CACNA1C: variants seen among roughly 807,000 people sequenced by gnomAD.
The protein encoded by CACNA1C is calcium voltage-gated channel subunit alpha1 C, also known as voltage-dependent L-type calcium channel subunit alpha-1C.
CACNA1C carries 30 observed loss-of-function variants against 229.0 expected under a neutral mutation model. The ratio of observed to expected loss-of-function variants is 0.13; its 90% CI spans 0.10 to 0.18. The LOEUF is 0.18. CACNA1C is among the 10% of genes least tolerant of loss of function. The probability of loss-of-function intolerance (pLI) is 1.00; values close to 1 mark genes in which losing one functional copy is unlikely to be tolerated. For missense variants in CACNA1C, 1,658 were observed against 2,845.0 expected (o/e 0.58, Z 9.49); for synonymous variants, 1,114 against 1,132.5 (o/e 0.98, Z 0.33).
intron 3 of CACNA1C, among the ~76,000 whole-genome samples, chr12:2,426,436 A>G (rs2099033027): frequency 6.6e-6 from 1 of 152,212 alleles, no homozygotes; most frequent in Admixed American, 6.5e-5. Flanking sequence ...CATGCAGTAG[A>G]TACTTCAGGT....
intron 3 of CACNA1C, among the ~76,000 whole-genome samples, chr12:2,177,636 CTTTCTTTCTT>C (rs2096708600): frequency 1.1e-4 from 14 of 128,924 alleles, no homozygotes; most frequent in Admixed American, 3.5e-4. Flanking sequence ...TTCTCTCTCT[CTTTCTTTCTT>C]TCTTTCTTTT....
intron 1 of CACNA1C, among the ~76,000 whole-genome samples, chr12:2,104,942 C>T (rs998020385): frequency 2.6e-5 from 4 of 152,184 alleles, no homozygotes; most frequent in African/African-American, 9.7e-5. Flanking sequence ...GTGTGTCTGT[C>T]AGTTTGTTTT....
rs2370515 is a variant in CACNA1C at position 2,401,996 on chromosome 12, G to T, written c.478-46980G>T. On this transcript the variant is annotated intron_variant, in intron 3 of 46. Coordinates refer to ENST00000399655, the MANE Select transcript of CACNA1C (RefSeq NM_000719.7). The stretch of plus-strand genomic sequence containing the variant: ...GAGGACCTCATTCTTTAAAACTTTC[G>T]TTAAACATGGTGAATTTCCTTTATA... 4.6e-5 allele frequency among the ~76,000 whole-genome samples: 7 copies of T among 152,154 alleles called. No homozygotes were observed. The East Asian group carries it at 1.3e-3, about 29-fold the overall frequency.
intron 3 of CACNA1C, among the ~76,000 whole-genome samples, chr12:2,273,225 T>C (rs776261296): frequency 6.6e-6 from 1 of 152,246 alleles, no homozygotes; most frequent in Non-Finnish European, 1.5e-5. Context: ...AGGTTACTTA[T>C]ACTACCTAAT....
chr12:1,970,849 G>A (rs1464124820), upstream of CACNA1C: 2 of 289,982 alleles, frequency 6.9e-6, no homozygotes, highest in South Asian at 3.2e-5. Context: ...AAGTAAGAAG[G>A]TGTTTTGTTT....
chr12:2,356,579 G>A (rs1357456730), intron 3 of CACNA1C, among the ~76,000 whole-genome samples: 1 of 152,242 alleles, frequency 6.6e-6, no homozygotes, highest in African/African-American at 2.4e-5. Flanking sequence ...CAGTGCATTA[G>A]GGGCACACTG....
chr12:2,043,300 A>G lies in CACNA1C; in HGVS notation c.140-71924A>G, dbSNP rs189577216. On this transcript the variant is annotated intron_variant, in intron 1 of 46. Coordinates refer to the CACNA1C transcript ENST00000682462. ...TCAAGATAGTTAACATACTATGGTA[A>G]TATTTTCCACATTCCTGGAGCTTAA... is the stretch of plus-strand genomic sequence containing the variant. Among the ~76,000 whole-genome samples, 369 of 152,314 alleles carry G rather than the reference A, an allele frequency of 2.4e-3. 2 individuals are homozygous for G. Among genetic ancestry groups the G allele is most frequent in the Middle Eastern group, 0.02 (6 of 294 alleles).
At chr12:2,158,119 G>A (rs1246738187) in intron 3 of CACNA1C, among the ~76,000 whole-genome samples, 1 of 152,168 alleles carries the variant, frequency 6.6e-6, no homozygotes, top group African/African-American at 2.4e-5. Flanking sequence ...CAAAAACAGA[G>A]GGGAGGAAAT....
chr12:2,370,834 G>T (rs760339831), intron 3 of CACNA1C, among the ~76,000 whole-genome samples: 2 of 152,162 alleles, frequency 1.3e-5, no homozygotes, highest in African/African-American at 2.4e-5. Context: ...GATTGTAGTC[G>T]AAGCTGACCT....
chr12:2,532,597 G>A (rs1014917699), intron 9 of CACNA1C, among the ~76,000 whole-genome samples: 3 of 152,156 alleles, frequency 2.0e-5, no homozygotes, highest in East Asian at 1.9e-4. Context: ...CAGGCCCACC[G>A]ATGCCTGTGT....
At chr12:2,686,037 G>A (rs1361584565) in intron 44 of CACNA1C, 129 bp from the exon 45 acceptor site, 4 of 882,622 alleles carry the variant, frequency 4.5e-6, no homozygotes, top group South Asian at 1.3e-5. Flanking sequence ...CGTCTCAGAC[G>A]AGGGGAGGGG....
intron 1 of CACNA1C, among the ~76,000 whole-genome samples, chr12:2,017,567 C>T (rs1315573160): frequency 1.3e-5 from 2 of 152,016 alleles, no homozygotes; most frequent in African/African-American, 4.8e-5. Flanking sequence ...AAGAGATGGT[C>T]TGGCTACTTA....
At position 2,287,521 on chromosome 12, in the gene CACNA1C, C is replaced by G. The variant is rs1470634089; in HGVS notation, c.478-161455C>G. On this transcript the variant is annotated intron_variant, in intron 3 of 46. Coordinates refer to ENST00000399655, the MANE Select transcript of CACNA1C (RefSeq NM_000719.7). This position sits in a 1 kb window ranked among gnomAD's most constrained non-coding sequence, Gnocchi z 4.6. ...TGATGTGGTCTTGGCTGATGAGAAG[C>G]TCCCTCCAATTCTGTGATTCTGGGT... 6.6e-6 allele frequency among the ~76,000 whole-genome samples: 1 copy of G among 152,214 alleles called. No homozygotes were observed. Among genetic ancestry groups the G allele is most frequent in the African/African-American group, 2.4e-5 (1 of 41,454 alleles).
Position 2,695,561 on chromosome 12 carries a change from G to C in CACNA1C, c.*4362G>C, listed in dbSNP as rs894408249. On this transcript the variant is annotated 3_prime_UTR_variant, in exon 47 of 47. Transcript: ENST00000399655. ...AGAGGCTACGATTTGAGGAGGTTGA[G>C]GGGGAAGACAGGAGGGAAAGAAAAG... 1.3e-5 allele frequency: 2 copies of C among 152,330 alleles called. No homozygotes were observed. The highest frequency in any genetic ancestry group is 2.9e-5 in the Non-Finnish European group (2 of 68,144). 9.4% of individuals were successfully genotyped at this position (152,330 alleles called of 1,614,324 possible). A position where few individuals can be genotyped will look rare whatever the true frequency, so the allele number is the denominator to read the frequency against.
At chr12:2,395,400 G>A (rs1245645463) in intron 3 of CACNA1C, among the ~76,000 whole-genome samples, 2 of 152,026 alleles carry the variant, frequency 1.3e-5, no homozygotes, top group African/African-American at 4.8e-5. Flanking sequence ...TGTATTTTTA[G>A]TAAAGATGGG....
chr12:2,010,042 A>G (rs1311240324), intron 1 of CACNA1C, among the ~76,000 whole-genome samples: 2 of 151,988 alleles, frequency 1.3e-5, no homozygotes, highest in East Asian at 3.8e-4. Context: ...CTTCATCATC[A>G]TTATTATTAG....
chr12:2,336,213 A>C (rs1487120972), intron 3 of CACNA1C, among the ~76,000 whole-genome samples: 2 of 152,210 alleles, frequency 1.3e-5, no homozygotes, highest in Non-Finnish European at 2.9e-5. Flanking sequence ...TAATAAAAAC[A>C]ACCAGAGTGC....
rs771938256 is a variant in CACNA1C, at chr12:2,329,588, T to C, written c.478-119388T>C. Among the ~76,000 whole-genome samples the C allele has an allele frequency of 3.0e-4, 45 of 152,326 alleles. No individual in the cohort carries two copies. The Middle Eastern group carries it at 0.01, about 35-fold the overall frequency. On this transcript the variant is annotated intron_variant, in intron 3 of 46. Coordinates refer to ENST00000399655, the MANE Select transcript of CACNA1C (RefSeq NM_000719.7). ...GACTTGTCACTTTAGGCTCTTCCAG[T>C]CTACCCCCCAAAAATAATAATAATT...
At chr12:2,395,591 G>A (rs2098554882) in intron 3 of CACNA1C, among the ~76,000 whole-genome samples, 1 of 152,170 alleles carries the variant, frequency 6.6e-6, no homozygotes, top group Non-Finnish European at 1.5e-5. Context: ...TAGTTACAGG[G>A]AAAGCAAGTC....
Sources: gnomAD v4.1 joint callset for allele counts (sites outside exome capture counted in the v4.1 genomes callset) on GRCh38, gnomAD v4.1.1 for gene constraint, Gnocchi (gnomAD v3.1) non-coding constraint, MANE v1.5 for transcripts, NCBI Gene and HGNC (gene_info 2026-07-23, HGNC 2026-07-21) for gene names.